Variants in CTNNA2 observed in about 807,000 individuals in gnomAD.
CTNNA2 encodes catenin alpha 2, also known as catenin alpha-2.
Under a neutral mutation model 101.0 loss-of-function variants are expected in CTNNA2, and 42 were observed. The observed-to-expected ratio is 0.42, with a 90% CI of 0.32 to 0.54. CTNNA2 has a LOEUF of 0.54. Ranked by LOEUF, CTNNA2 falls within the 20% of genes least tolerant of loss-of-function variation. CTNNA2 has a pLI of 0.14. For missense variants in CTNNA2, 871 were observed against 1,223.1 expected (o/e 0.71, Z 4.29); for synonymous variants, 450 against 456.4 (o/e 0.99, Z 0.18).
chr2:79,828,221 T>C lies in CTNNA2; in HGVS notation c.299-29792T>C, dbSNP rs575795109. Among the ~76,000 whole-genome samples, 307 of 152,340 alleles carry C rather than the reference T, an allele frequency of 2.0e-3. 1 individual carries two copies. Among genetic ancestry groups the C allele is most frequent in the Non-Finnish European group, 2.7e-3 (181 of 68,014 alleles). ...ATTAAAATAACCTGAAGGTCCTTTA[T>C]TTTTGGTTTCTCATTTCTATATAGA... On this transcript the variant is annotated intron_variant, in intron 3 of 18. Coordinates refer to ENST00000402739, the MANE Select transcript of CTNNA2 (RefSeq NM_001282597.3).
intron 7 of CTNNA2, among the ~76,000 whole-genome samples, chr2:80,017,417 T>C (rs1694230978): frequency 6.6e-6 from 1 of 152,044 alleles, no homozygotes; most frequent in Non-Finnish European, 1.5e-5. Context: ...TAGACATATA[T>C]ACTGATTTAC....
chr2:79,902,792 A>G (rs1229981798), intron 6 of CTNNA2, among the ~76,000 whole-genome samples: 23 of 151,980 alleles, frequency 1.5e-4, no homozygotes, highest in Admixed American at 1.4e-3. Context: ...ATGCCCGGCT[A>G]ATTTTTGTAT....
intron 17 of CTNNA2, among the ~76,000 whole-genome samples, chr2:80,614,183 A>G (rs1005553452): frequency 6.6e-6 from 1 of 151,408 alleles, no homozygotes; most frequent in African/African-American, 2.4e-5. Flanking sequence ...GACACATGGG[A>G]GGTACCTGGA....
chr2:79,322,960 A>G (rs536100452), intron 3 of CTNNA2, among the ~76,000 whole-genome samples: 1 of 152,234 alleles, frequency 6.6e-6, no homozygotes, highest in South Asian at 2.1e-4. Context: ...ATGCCTGGTT[A>G]TTTCCCTGAA....
At chr2:80,389,206 G>T (rs1475244395) in intron 7 of CTNNA2, among the ~76,000 whole-genome samples, 2 of 152,102 alleles carry the variant, frequency 1.3e-5, no homozygotes, top group Non-Finnish European at 2.9e-5. Context: ...ACCCTGAATA[G>T]TCTAAATGTC....
intron 12 of CTNNA2, among the ~76,000 whole-genome samples, chr2:80,558,484 GTGTA>G (rs775088129): frequency 0.084 from 5,897 of 69,840 alleles, 156 homozygotes; most frequent in Non-Finnish European, 0.17. Flanking sequence ...GTGTGTGTGT[GTGTA>G]TATATATATG....
chr2:80,488,084 C>A (rs1248854801), intron 9 of CTNNA2, among the ~76,000 whole-genome samples: 1 of 152,064 alleles, frequency 6.6e-6, no homozygotes, highest in Non-Finnish European at 1.5e-5. Flanking sequence ...GAATCCTATA[C>A]CTTATTTGCA....
intron 4 of CTNNA2, among the ~76,000 whole-genome samples, chr2:79,465,546 G>A (rs753438235): frequency 1.3e-5 from 2 of 152,094 alleles, no homozygotes; most frequent in African/African-American, 4.8e-5. Flanking sequence ...GATGGGGATG[G>A]CATTGAATCT....
intron 2 of CTNNA2, among the ~76,000 whole-genome samples, chr2:79,711,297 T>C (rs2104809482): frequency 6.6e-6 from 1 of 152,282 alleles, no homozygotes; most frequent in South Asian, 2.1e-4. Context: ...TTTTGCTCAA[T>C]GGTGTTGCCT....
chr2:79,254,830 T>G (rs1394136548), intron 2 of CTNNA2, among the ~76,000 whole-genome samples: 1 of 152,196 alleles, frequency 6.6e-6, no homozygotes, highest in African/African-American at 2.4e-5. Context: ...AAATAAGATA[T>G]CCTACCTTTA....
At chr2:79,194,176 G>A (rs986543616) in intron 1 of CTNNA2, among the ~76,000 whole-genome samples, 1 of 152,160 alleles carries the variant, frequency 6.6e-6, no homozygotes, top group Admixed American at 6.5e-5. Context: ...TTATTCAGCT[G>A]ATATTTCTAA....
chr2:80,453,367 G>C (rs1029691630), intron 9 of CTNNA2, among the ~76,000 whole-genome samples: 1 of 151,432 alleles, frequency 6.6e-6, no homozygotes, highest in Non-Finnish European at 1.5e-5. Context: ...TGTGTTAAGA[G>C]TGTCAGTCTA....
At chr2:80,245,822 T>TTTTTTTTTTTTTTTTTTTTTTTTTTTG (rs1558937542) in intron 7 of CTNNA2, among the ~76,000 whole-genome samples, 1 of 135,548 alleles carries the variant, frequency 7.4e-6, no homozygotes, top group African/African-American at 2.9e-5. Context: ...TTTTTTTTTT[T>TTTTTTTTTTTTTTTTTTTTTTTTTTTG]TGCACTCTGT....
chr2:80,623,641 T>C (rs1321374838), intron 18 of CTNNA2, among the ~76,000 whole-genome samples: 1 of 151,834 alleles, frequency 6.6e-6, no homozygotes, highest in Non-Finnish European at 1.5e-5. Context: ...AGCAAGGGGT[T>C]TGGGGGAGAC....
chr2:80,562,134 A>T (rs767862661), intron 12 of CTNNA2, among the ~76,000 whole-genome samples: 1 of 152,112 alleles, frequency 6.6e-6, no homozygotes, highest in Admixed American at 6.6e-5. Context: ...TCACTATCTT[A>T]GGACTGTTAA....
intron 7 of CTNNA2, among the ~76,000 whole-genome samples, chr2:80,194,556 G>T (rs984780658): frequency 5.3e-5 from 8 of 151,490 alleles, no homozygotes; most frequent in African/African-American, 1.9e-4. Context: ...ATGTGTGGGT[G>T]TATGACTCAA....
intron 7 of CTNNA2, among the ~76,000 whole-genome samples, chr2:79,943,818 C>A (rs2974140): frequency 0.93 from 142,330 of 152,320 alleles, 66,596 homozygotes; most frequent in African/African-American, 0.97. Flanking sequence ...AGATCCTAAA[C>A]AGTGTCCAAA....
intron 7 of CTNNA2, among the ~76,000 whole-genome samples, chr2:79,925,044 A>T (rs1363943082): frequency 6.6e-6 from 1 of 152,108 alleles, no homozygotes; most frequent in African/African-American, 2.4e-5. Context: ...GCACAGTGTT[A>T]AAGGATAATC....
intron 9 of CTNNA2, among the ~76,000 whole-genome samples, chr2:80,535,149 A>G (rs1690897005): frequency 6.6e-6 from 1 of 152,154 alleles, no homozygotes; most frequent in Non-Finnish European, 1.5e-5. Flanking sequence ...GGTTTTTATC[A>G]TTGTCTTCCC....
Sources: allele counts gnomAD v4.1 joint callset (sites outside exome capture counted in the v4.1 genomes callset), GRCh38; gene constraint gnomAD v4.1.1; transcripts MANE v1.5; gene names NCBI Gene and HGNC (gene_info 2026-07-23, HGNC 2026-07-21).